EIF2B4: variants seen among roughly 807,000 people sequenced by gnomAD.
EIF2B4 encodes translation initiation factor eIF2B subunit delta.
Under a neutral mutation model 66.7 loss-of-function variants are expected in EIF2B4, and 34 were observed. The ratio of observed to expected loss-of-function variants is 0.51; its 90% CI spans 0.39 to 0.68. The LOEUF (loss-of-function observed/expected upper bound fraction) is 0.68, where lower values mean the gene tolerates loss of function less well. Ranked by LOEUF, EIF2B4 falls within the 30% of genes least tolerant of loss-of-function variation. EIF2B4 has a pLI of 0.00. For missense variants in EIF2B4, 618 were observed against 657.9 expected (o/e 0.94, Z 0.66); for synonymous variants, 278 against 253.6 (o/e 1.10, Z -0.92).
chr2:27,369,739 G>T, intron 2 of EIF2B4, 137 bp downstream of exon 2: 1 of 1,431,708 alleles, frequency 7.0e-7, no homozygotes, highest in Non-Finnish European at 9.6e-7. Context: ...ATATCCCTAG[G>T]GTTGCAAGAC....
At chr2:27,369,299 T>C (rs1485864657) in intron 3 of EIF2B4, 87 bp from the exon 4 acceptor site, 4 of 1,604,550 alleles carry the variant, frequency 2.5e-6, no homozygotes, top group Non-Finnish European at 3.4e-6. Context: ...CTTGTAAACC[T>C]CTTTGCTTTA....
At chr2:27,368,208 G>T (rs1050304821) in intron 6 of EIF2B4, 69 bp from the exon 7 acceptor site, 2 of 1,381,166 alleles carry the variant, frequency 1.4e-6, no homozygotes, top group Non-Finnish European at 2.0e-6. Flanking sequence ...TGCCCCTGAT[G>T]AAAAGGAACT....
chr2:27,369,223 T>TA lies in EIF2B4; in HGVS notation c.212-12dup, dbSNP rs368817396. The TA allele has an allele frequency of 0.019, 20,205 of 1,068,926 alleles. No homozygotes were observed. The highest frequency in any genetic ancestry group is 0.023 in the Non-Finnish European group (17,368 of 750,622). 66.2% of individuals were successfully genotyped at this position (1,068,926 alleles called of 1,614,324 possible). On this transcript the variant is annotated splice_polypyrimidine_tract_variant and intron_variant, in intron 3 of 12. Transcript: ENST00000347454. Reference sequence around the variant, plus strand: ...CTCTGGTTGGGCCTACTAAAAGCATTAAAAAAAAAAATGCCCAAGCTGCAG... The same window carrying TA: ...CTCTGGTTGGGCCTACTAAAAGCATTAAAAAAAAAAAATGCCCAAGCTGCAG...
In EIF2B4 at chr2:27,367,467, C is replaced by G. The variant is rs758251555; in HGVS notation, c.875G>C (p.Arg292Pro). ...KEITSVGSSK[R>P]EEEAKSELRA... is the part of the protein sequence containing the mutation. ...TCTCATACTCATCACCTCCTCTTCC[C>G]GCTTGGAACTGCCCACACTGGTGAT... is the stretch of plus-strand genomic sequence containing the variant. The change falls in exon 9 of 13, where the codon CGG (arginine) becomes CCG (proline). Residue 292 changes from arginine to proline, a missense_variant. Physicochemically the swap from Arg to Pro is moderately radical, Grantham distance 103 (BLOSUM62 -2). Transcript: ENST00000347454. 1 of 1,613,980 alleles carries G rather than the reference C, an allele frequency of 6.2e-7. No homozygotes were observed. Among genetic ancestry groups the G allele is most frequent in the South Asian group, 1.1e-5 (1 of 91,080 alleles).
intron 8 of EIF2B4, 82 bp from the exon 9 acceptor site, chr2:27,367,641 A>G: frequency 6.3e-7 from 1 of 1,596,402 alleles, no homozygotes; most frequent in Non-Finnish European, 8.6e-7. Flanking sequence ...AAAGTCTTTA[A>G]AAAGAAAATA....
At chr2:27,364,689 AGCTGGAG>A (rs1158200810) in intron 12 of EIF2B4, 22 bp downstream of exon 12, 1 of 1,614,206 alleles carries the variant, frequency 6.2e-7, no homozygotes, top group Non-Finnish European at 8.5e-7. Context: ...CTTCACAGGT[AGCTGGAG>A]GCTTCTCTTT....
rs144016401 is a variant in EIF2B4 at position 27,366,909 on chromosome 2, C to T, written c.1041G>A (p.Gln347=). ...ACCGCCGGCCCTCTGTCCAAGCCTC[C>T]TGAAGAATTCGTGATACCAGAGATG... The part of the protein sequence containing the change: ...GCSSLVSRIL[Q]EAWTEGRRFR... The change falls in exon 11 of 13, where the codon CAG becomes CAA. Residue 347 remains glutamine (Q), a synonymous_variant. Transcript: ENST00000347454. The T allele has an allele frequency of 3.1e-6, 5 of 1,614,072 alleles. No homozygotes were observed. The highest frequency in any genetic ancestry group is 4.2e-6 in the Non-Finnish European group (5 of 1,180,054).
rs113994034 is a variant in EIF2B4, at chr2:27,366,859, C to T, written c.1091G>A (p.Arg364Gln). The change falls in exon 11 of 13, where the codon CGG (arginine) becomes CAG (glutamine). Residue 364 changes from arginine to glutamine, a missense_variant. This residue lies in a region of EIF2B4 where 506 missense variants were observed against 511.9 expected (regional missense o/e 0.99). Transcript: ENST00000347454. ...RRFRVVVVDS[R>Q]PWLEGRHTLR... ...TGTGTGCCTTCCTTCCAGCCATGGC[C>T]GGCTGTCCACCACTACCACCCGAAA... 16 of 1,614,156 alleles carry T rather than the reference C, an allele frequency of 9.9e-6. No homozygotes were observed. Among genetic ancestry groups the T allele is most frequent in the Non-Finnish European group, 1.4e-5 (16 of 1,180,032 alleles).
rs372192935 is a variant in EIF2B4, at chr2:27,367,731, T to C, written c.782+15A>G. ...ATTGGGCGAGCTGGGAGTGGACTTA[T>C]AGTGTTGTCCCTACCTCATGTAGGG... On this transcript the variant is annotated intron_variant, in intron 8 of 12. Transcript: ENST00000347454. The C allele has an allele frequency of 3.5e-5, 57 of 1,608,800 alleles. No homozygotes were observed. The highest frequency in any genetic ancestry group is 1.2e-4 in the Admixed American group (7 of 59,998).
At position 27,367,447 on chromosome 2, in the gene EIF2B4, T is replaced by A; in HGVS notation, c.885+10A>T. 1 of 1,614,062 alleles carries A rather than the reference T, an allele frequency of 6.2e-7. No homozygotes were observed. The highest frequency in any genetic ancestry group is 8.5e-7 in the Non-Finnish European group (1 of 1,179,954). Reference sequence around the variant, plus strand: ...AGGTGCATGCCTTCCTTATTTCTCATACTCATCACCTCCTCTTCCCGCTTG... The same window carrying A: ...AGGTGCATGCCTTCCTTATTTCTCAAACTCATCACCTCCTCTTCCCGCTTG... On this transcript the variant is annotated intron_variant, in intron 9 of 12. Coordinates refer to ENST00000347454, the MANE Select transcript of EIF2B4 (RefSeq NM_001034116.2).
chr2:27,367,387 C>T (rs1056952345), intron 9 of EIF2B4, 70 bp downstream of exon 9: 25 of 1,602,994 alleles, frequency 1.6e-5, no homozygotes, highest in African/African-American at 6.7e-5. Flanking sequence ...TTGGCCTTCC[C>T]GGGAGTTTTT....
In EIF2B4 at chr2:27,369,523, T is replaced by C. The variant is rs991951060; in HGVS notation, c.102A>G (p.Glu34=). The C allele has an allele frequency of 6.2e-7, 1 of 1,614,240 alleles. No individual in the cohort carries two copies. Among genetic ancestry groups the C allele is most frequent in the Non-Finnish European group, 8.5e-7 (1 of 1,180,054 alleles). ...TTTCCTTCCGAAGCTGCAGCTTTTC[T>C]TCTTTGGTCATTTCCCTCCCCACTG... The part of the protein sequence containing the change: ...PGAVGREMTK[E]EKLQLRKEKK... Residue 34 remains glutamate (E), a synonymous_variant, in exon 3 of 13, where the codon GAA becomes GAG. Coordinates refer to ENST00000347454, the MANE Select transcript of EIF2B4 (RefSeq NM_001034116.2).
chr2:27,367,370 G>A (rs764226813), intron 9 of EIF2B4, 87 bp downstream of exon 9: 10 of 1,588,924 alleles, frequency 6.3e-6, no homozygotes, highest in African/African-American at 1.3e-5. Context: ...GCAAAAAAAG[G>A]CTTACGTTGG....
At chr2:27,369,837 A>G (rs1682231057) in intron 2 of EIF2B4, 39 bp downstream of exon 2, 2 of 1,553,218 alleles carry the variant, frequency 1.3e-6, no homozygotes, top group Non-Finnish European at 1.7e-6. Flanking sequence ...CCTCCTGCGT[A>G]GCGCTTGGCA....
rs767290808 is a variant in EIF2B4, at chr2:27,368,996, G to A, written c.418+10C>T. ...GGAGTAAGGGAGGTCTTAAAATGAA[G>A]GGAAGATACCTGAGGGGGTTTCTCC... On this transcript the variant is annotated intron_variant, in intron 4 of 12. Transcript: ENST00000347454. The A allele has an allele frequency of 7.4e-6, 12 of 1,613,962 alleles. No individual in the cohort carries two copies. In the African/African-American group the frequency reaches 1.2e-4, roughly 16 times the overall value.
At chr2:27,366,216 GT>G (rs1388413299) in intron 11 of EIF2B4, 120 of 2,886 alleles carry the variant, frequency 0.042, 3 homozygotes, top group Middle Eastern at 0.17. Context: ...GTGGGGTGGG[GT>G]GTGTGTGTGT....
chr2:27,369,357 A>C, intron 3 of EIF2B4, 57 bp downstream of exon 3: 1 of 1,612,114 alleles, frequency 6.2e-7, no homozygotes, highest in Non-Finnish European at 8.5e-7. Context: ...TATCTCTCCC[A>C]CCACATCCCT....
chr2:27,368,557 C>G, intron 5 of EIF2B4, 94 bp from the exon 6 acceptor site: 1 of 1,558,408 alleles, frequency 6.4e-7, no homozygotes, highest in Non-Finnish European at 8.9e-7. Flanking sequence ...TACTCTGACC[C>G]AAGCACCTAT....
intron 11 of EIF2B4, 115 bp from the exon 12 acceptor site, chr2:27,365,013 A>G: frequency 9.5e-7 from 1 of 1,048,220 alleles, no homozygotes; most frequent in East Asian, 2.6e-5. Flanking sequence ...AACACCTGTG[A>G]AAAGAAGGGA....
Sources: gnomAD v4.1 joint callset for allele counts on GRCh38, gnomAD v4.1.1 for gene constraint, gnomAD v4.1.1 regional missense constraint, MANE v1.5 for transcripts, NCBI Gene and HGNC (gene_info 2026-07-23, HGNC 2026-07-21) for gene names.